Variants in CACNA1D observed in about 807,000 individuals in gnomAD.
CACNA1D encodes the protein voltage-dependent L-type calcium channel subunit alpha-1D.
In CACNA1D, 55 loss-of-function variants were observed where a neutral mutation model predicts 257.1. That is an observed-to-expected ratio of 0.21 (90% CI 0.17 to 0.27). The LOEUF (loss-of-function observed/expected upper bound fraction) is 0.27. Among genes scored for constraint, CACNA1D ranks in the 10% least tolerant of loss-of-function variants. The pLI is 1.00. For missense variants in CACNA1D, 1,876 were observed against 2,784.0 expected (o/e 0.67, Z 7.34); for synonymous variants, 980 against 1,014.9 (o/e 0.97, Z 0.65).
chr3:53,597,404 C>T (rs752052669), intron 3 of CACNA1D, among the ~76,000 whole-genome samples: 12 of 152,186 alleles, frequency 7.9e-5, no homozygotes, highest in Non-Finnish European at 1.8e-4. Context: ...TTGCTCAAGA[C>T]CACAGCACCA....
At chr3:53,644,298 C>T (rs2093996057) in intron 3 of CACNA1D, among the ~76,000 whole-genome samples, 1 of 152,108 alleles carries the variant, frequency 6.6e-6, no homozygotes, top group African/African-American at 2.4e-5. Flanking sequence ...TATCTATTAC[C>T]TCACATGCTT....
chr3:53,558,290 C>T (rs1575862370), intron 3 of CACNA1D, among the ~76,000 whole-genome samples: 2 of 152,152 alleles, frequency 1.3e-5, no homozygotes, highest in South Asian at 2.1e-4. Context: ...ATTCCCTCCT[C>T]TCCTGGTTTT....
At chr3:53,650,602 G>A (rs1327614331) in intron 3 of CACNA1D, among the ~76,000 whole-genome samples, 177 bp from the exon 4 acceptor site, 2 of 152,238 alleles carry the variant, frequency 1.3e-5, no homozygotes, top group Non-Finnish European at 2.9e-5. Context: ...GTGTTAGAAT[G>A]TAAATGCCTT....
chr3:53,694,575 CCGTGTTGGCCTTTGTGAAAT>C (rs2094557149), intron 8 of CACNA1D, among the ~76,000 whole-genome samples: 1 of 152,176 alleles, frequency 6.6e-6, no homozygotes, highest in Non-Finnish European at 1.5e-5. Context: ...CGTTGAGCCT[CCGTGTTGGCCTTTGTGAAAT>C]GGATGTGAAA....
intron 40 of CACNA1D, chr3:53,792,287 C>T (rs1476669993): frequency 6.6e-6 from 1 of 152,190 alleles, no homozygotes; most frequent in Non-Finnish European, 1.5e-5. Context: ...GGTGTCTGAT[C>T]TTGAATTCTC....
At chr3:53,719,084 A>T (rs1436274134) in intron 10 of CACNA1D, among the ~76,000 whole-genome samples, 3 of 151,680 alleles carry the variant, frequency 2.0e-5, no homozygotes, top group African/African-American at 7.3e-5. Flanking sequence ...GCCGTGGGGG[A>T]GCCCTGTGCG....
intron 8 of CACNA1D, among the ~76,000 whole-genome samples, chr3:53,698,739 C>A (rs34565662): frequency 0.06 from 9,046 of 151,992 alleles, 320 homozygotes; most frequent in Non-Finnish European, 0.072. Context: ...CTTTTAGATA[C>A]ACCTGAGAGA....
intron 3 of CACNA1D, among the ~76,000 whole-genome samples, chr3:53,545,190 A>G (rs1307184358): frequency 6.6e-6 from 1 of 151,554 alleles, no homozygotes; most frequent in Non-Finnish European, 1.5e-5. Context: ...GCCCATGACT[A>G]TAATCCTATG....
chr3:53,756,431 G>A (rs1314432881), intron 29 of CACNA1D, among the ~76,000 whole-genome samples: 1 of 152,214 alleles, frequency 6.6e-6, no homozygotes, highest in Admixed American at 6.5e-5. Flanking sequence ...TCACCTCAGG[G>A]GAGGAGGCAT....
At chr3:53,750,532 C>T (rs1011082767) in intron 27 of CACNA1D, among the ~76,000 whole-genome samples, 3 of 152,156 alleles carry the variant, frequency 2.0e-5, no homozygotes, top group Non-Finnish European at 4.4e-5. Flanking sequence ...GAGAACATGC[C>T]GGTTTGTGTT....
intron 3 of CACNA1D, among the ~76,000 whole-genome samples, chr3:53,530,663 C>T (rs535318039): frequency 1.2e-4 from 18 of 152,226 alleles, no homozygotes; most frequent in African/African-American, 3.4e-4. Flanking sequence ...TGGTGTTGCA[C>T]GGTGCCCATG....
At chr3:53,650,520 G>A (rs552212655) in intron 3 of CACNA1D, among the ~76,000 whole-genome samples, 2 of 152,356 alleles carry the variant, frequency 1.3e-5, no homozygotes, top group East Asian at 3.9e-4. Flanking sequence ...ACGCATTGGG[G>A]CAGTTGGCAA....
At chr3:53,563,908 G>A (rs938945001) in intron 3 of CACNA1D, among the ~76,000 whole-genome samples, 3 of 151,996 alleles carry the variant, frequency 2.0e-5, no homozygotes, top group Admixed American at 2.0e-4. Context: ...GAAATTTCAG[G>A]GTCCTATTGT....
rs757142406 is a variant in CACNA1D at position 53,774,719 on chromosome 3, G to A, written c.4202+41G>A. On this transcript the variant is annotated intron_variant, in intron 34 of 47. Coordinates refer to ENST00000350061, the MANE Select transcript of CACNA1D (RefSeq NM_001128840.3). This position sits in a 1 kb window ranked among gnomAD's most constrained non-coding sequence, Gnocchi z 4.3. ...TTGGGCGGTGCTCCTGGGCAGGGGG[G>A]TCCGCTAGGCGTGGGTCCAGAGGGA... is the stretch of plus-strand genomic sequence containing the variant. The A allele has an allele frequency of 1.7e-6, 2 of 1,193,618 alleles. No homozygotes were observed. Among genetic ancestry groups the A allele is most frequent in the Middle Eastern group, 2.0e-4 (1 of 5,128 alleles). 73.9% of individuals were successfully genotyped at this position (1,193,618 alleles called of 1,614,324 possible).
In CACNA1D at chr3:53,758,570, A is replaced by C. The variant is rs2095281058; in HGVS notation, c.3787-3428A>C. Among the ~76,000 whole-genome samples the C allele has an allele frequency of 2.6e-5, 4 of 152,312 alleles. No individual in the cohort carries two copies. The South Asian group carries it at 8.3e-4, about 32-fold the overall frequency. ...GAGACAAACATTGATGGATGGTGAC[A>C]ATAGGGTTCTTAGACATAGTGGTGC... On this transcript the variant is annotated intron_variant, in intron 29 of 47. Transcript: ENST00000350061.
chr3:53,774,350 A>G lies in CACNA1D; in HGVS notation c.4111-237A>G, dbSNP rs954973384. ...GCCTGGCTACCTTTGTGTCTCCCCC[A>G]GGGGAGATCCGCGAATGTGAGACCG... On this transcript the variant is annotated intron_variant, in intron 33 of 47. Coordinates refer to ENST00000350061, the MANE Select transcript of CACNA1D (RefSeq NM_001128840.3). The surrounding 1 kb of genome is among the most constrained non-coding windows in gnomAD (Gnocchi z 4.3). 1.4e-5 allele frequency: 7 copies of G among 510,256 alleles called. No individual in the cohort carries two copies. The highest frequency in any genetic ancestry group is 3.2e-5 in the Admixed American group (1 of 31,370). 31.6% of individuals were successfully genotyped at this position (510,256 alleles called of 1,614,324 possible).
intron 40 of CACNA1D, 126 bp downstream of exon 40, chr3:53,787,078 A>G: frequency 2.1e-6 from 2 of 954,526 alleles, no homozygotes; most frequent in Non-Finnish European, 3.2e-6. Context: ...CTGAGATACT[A>G]CACACTCCCC....
chr3:53,674,324 A>T (rs2094353024), intron 8 of CACNA1D, among the ~76,000 whole-genome samples: 1 of 152,178 alleles, frequency 6.6e-6, no homozygotes, highest in Admixed American at 6.5e-5. Flanking sequence ...AATCTTCCTT[A>T]GATTGGGATT....
chr3:53,562,786 C>G (rs2092763851), intron 3 of CACNA1D, among the ~76,000 whole-genome samples: 1 of 152,196 alleles, frequency 6.6e-6, no homozygotes, highest in Non-Finnish European at 1.5e-5. Flanking sequence ...ATTTTGAATT[C>G]CAAATATACC....
Sources: gnomAD v4.1 joint callset for allele counts (sites outside exome capture counted in the v4.1 genomes callset) on GRCh38, gnomAD v4.1.1 for gene constraint, Gnocchi (gnomAD v3.1) non-coding constraint, MANE v1.5 for transcripts, NCBI Gene and HGNC (gene_info 2026-07-23, HGNC 2026-07-21) for gene names.